Variants in ZNF385D observed in about 807,000 individuals in gnomAD.
ZNF385D encodes zinc finger protein 659.
In ZNF385D, 15 loss-of-function variants were observed where a neutral mutation model predicts 35.8. The ratio of observed to expected loss-of-function variants is 0.42; its 90% CI spans 0.28 to 0.64. The LOEUF (loss-of-function observed/expected upper bound fraction) is 0.64, where lower values mean the gene tolerates loss of function less well. Ranked by LOEUF, ZNF385D falls within the 30% of genes least tolerant of loss-of-function variation. The pLI is 0.23. For synonymous variants in ZNF385D, 212 were observed against 186.8 expected (o/e 1.13, Z -1.10); for missense variants, 474 against 494.6 (o/e 0.96, Z 0.39).
intron 3 of ZNF385D, among the ~76,000 whole-genome samples, chr3:22,034,433 C>T (rs530769600): frequency 7.9e-5 from 12 of 152,218 alleles, no homozygotes; most frequent in African/African-American, 2.4e-4. Context: ...GCCACCAAGT[C>T]TTAGTCTTAG....
intron 4 of ZNF385D, among the ~76,000 whole-genome samples, chr3:21,474,732 C>G (rs1397494329): frequency 6.6e-6 from 1 of 152,062 alleles, no homozygotes; most frequent in Non-Finnish European, 1.5e-5. Flanking sequence ...AGTCAAAATC[C>G]TCTCACAAGT....
At chr3:21,849,627 T>TTTTTTTC (rs1553684558) in intron 3 of ZNF385D, 1 of 116,816 alleles carries the variant, frequency 8.6e-6, no homozygotes, top group Non-Finnish European at 1.8e-5. Flanking sequence ...TTTTTTTTTT[T>TTTTTTTC]CTACCACCAT....
intron 3 of ZNF385D, among the ~76,000 whole-genome samples, chr3:22,073,980 G>A (rs1005059870): frequency 6.6e-6 from 1 of 151,796 alleles, no homozygotes; most frequent in Non-Finnish European, 1.5e-5. Flanking sequence ...CCTTGTTTCT[G>A]CTTATACTAA....
intron 3 of ZNF385D, among the ~76,000 whole-genome samples, chr3:21,956,362 CTTA>C (rs573288975): frequency 2.1e-3 from 313 of 151,728 alleles, no homozygotes; most frequent in African/African-American, 7.1e-3. Context: ...AATTTTCACA[CTTA>C]TTATATTTTA....
At chr3:22,215,151 T>A (rs1226368411) in intron 2 of ZNF385D, among the ~76,000 whole-genome samples, 1 of 151,900 alleles carries the variant, frequency 6.6e-6, no homozygotes, top group Admixed American at 6.6e-5. Flanking sequence ...AGCTGAATTT[T>A]CCCCAATATC....
At chr3:22,218,110 A>G (rs1433351929) in intron 2 of ZNF385D, among the ~76,000 whole-genome samples, 1 of 152,150 alleles carries the variant, frequency 6.6e-6, no homozygotes, top group East Asian at 1.9e-4. Context: ...AAATCATTCA[A>G]CAAGACTGTA....
At chr3:21,811,863 G>A (rs566894449) in intron 3 of ZNF385D, among the ~76,000 whole-genome samples, 4 of 152,260 alleles carry the variant, frequency 2.6e-5, no homozygotes, top group Non-Finnish European at 5.9e-5. Flanking sequence ...CATGGATGGT[G>A]AATTGCATAA....
At chr3:22,278,249 A>G (rs753045403) in intron 2 of ZNF385D, among the ~76,000 whole-genome samples, 42 of 152,094 alleles carry the variant, frequency 2.8e-4, no homozygotes, top group Non-Finnish European at 4.9e-4. Flanking sequence ...ATTAACTCAA[A>G]AAGTACAGTC....
At chr3:21,962,446 G>C (rs1280079987) in intron 3 of ZNF385D, among the ~76,000 whole-genome samples, 2 of 152,222 alleles carry the variant, frequency 1.3e-5, no homozygotes, top group Non-Finnish European at 2.9e-5. Flanking sequence ...TGAGGTGCCT[G>C]CAAGGCATCA....
chr3:22,115,161 C>T (rs548189881), intron 3 of ZNF385D, among the ~76,000 whole-genome samples: 3 of 152,046 alleles, frequency 2.0e-5, no homozygotes, highest in Non-Finnish European at 4.4e-5. Flanking sequence ...CAGACCATTA[C>T]AGGGCCTGAC....
intron 3 of ZNF385D, among the ~76,000 whole-genome samples, chr3:22,149,057 A>T (rs1480139171): frequency 1.3e-5 from 2 of 152,104 alleles, no homozygotes; most frequent in East Asian, 3.9e-4. Flanking sequence ...TCAAACTGTG[A>T]TCCCAGGACC....
intron 3 of ZNF385D, among the ~76,000 whole-genome samples, chr3:21,827,615 T>C (rs148883086): frequency 1.3e-5 from 2 of 152,284 alleles, no homozygotes; most frequent in East Asian, 3.9e-4. Flanking sequence ...TGATTTCATA[T>C]AGGGAGGAGA....
chr3:22,038,090 A>G (rs1355402502), intron 3 of ZNF385D, among the ~76,000 whole-genome samples: 1 of 152,212 alleles, frequency 6.6e-6, no homozygotes, highest in Non-Finnish European at 1.5e-5. Context: ...AGATGGATTA[A>G]AGACTTAAAT....
chr3:22,141,339 TATAA>T (rs1236619395), intron 3 of ZNF385D, among the ~76,000 whole-genome samples: 1 of 152,288 alleles, frequency 6.6e-6, no homozygotes, highest in Non-Finnish European at 1.5e-5. Flanking sequence ...GAAATCATCT[TATAA>T]ATAGAGCAAA....
chr3:21,789,311 C>T (rs1165753395), intron 3 of ZNF385D, among the ~76,000 whole-genome samples: 3 of 152,080 alleles, frequency 2.0e-5, no homozygotes, highest in Admixed American at 1.3e-4. Flanking sequence ...CAAGACACTC[C>T]TGTTATTAGT....
intron 3 of ZNF385D, among the ~76,000 whole-genome samples, chr3:21,902,289 C>G (rs962095975): frequency 4.6e-5 from 7 of 152,094 alleles, no homozygotes; most frequent in African/African-American, 1.7e-4. Context: ...TCTTCTAGTC[C>G]ATGATTTAAC....
intron 3 of ZNF385D, among the ~76,000 whole-genome samples, chr3:21,857,376 G>A (rs934833409): frequency 2.0e-5 from 3 of 152,074 alleles, no homozygotes; most frequent in Non-Finnish European, 4.4e-5. Flanking sequence ...CACATAGTAA[G>A]TTGTATTCCT....
chr3:21,502,898 T>C (rs1706493683), intron 4 of ZNF385D, among the ~76,000 whole-genome samples: 1 of 152,216 alleles, frequency 6.6e-6, no homozygotes, highest in African/African-American at 2.4e-5. Flanking sequence ...CTTCAACTCC[T>C]GTGCCAAGAC....
intron 3 of ZNF385D, among the ~76,000 whole-genome samples, chr3:21,969,128 G>C (rs1471653836): frequency 1.3e-5 from 2 of 152,170 alleles, no homozygotes; most frequent in East Asian, 1.9e-4. Context: ...AGACTCCTCT[G>C]CTTGTAAAAT....
Sources: allele counts gnomAD v4.1 joint callset (sites outside exome capture counted in the v4.1 genomes callset), GRCh38; gene constraint gnomAD v4.1.1; transcripts MANE v1.5; gene names NCBI Gene and HGNC (gene_info 2026-07-23, HGNC 2026-07-21).